B3GALT5: variants seen among roughly 807,000 people sequenced by gnomAD.
The protein encoded by B3GALT5 is beta-1,3-galactosyltransferase 5.
For synonymous variants in B3GALT5, 156 were observed against 158.6 expected (o/e 0.98, Z 0.12); for missense variants, 328 against 396.6 (o/e 0.83, Z 1.47).
intron 1 of B3GALT5, among the ~76,000 whole-genome samples, chr21:39,633,938 A>G (rs2079208621): frequency 6.6e-6 from 1 of 152,170 alleles, no homozygotes; most frequent in Non-Finnish European, 1.5e-5. Flanking sequence ...ATGGAGCTCT[A>G]AGCATTGGGT....
intron 1 of B3GALT5, among the ~76,000 whole-genome samples, chr21:39,616,172 A>C (rs2079106481): frequency 6.6e-6 from 1 of 152,130 alleles, no homozygotes; most frequent in Admixed American, 6.5e-5. Context: ...ACATAGCAAG[A>C]CCCCGTCTCT....
At chr21:39,643,546 C>T (rs535150004) in intron 1 of B3GALT5, among the ~76,000 whole-genome samples, 5 of 152,290 alleles carry the variant, frequency 3.3e-5, no homozygotes, top group Admixed American at 3.3e-4. Context: ...GACAGGCGGA[C>T]AGGAGAACAA....
At chr21:39,641,827 G>T (rs1201937645) in intron 1 of B3GALT5, among the ~76,000 whole-genome samples, 1 of 152,116 alleles carries the variant, frequency 6.6e-6, no homozygotes, top group Non-Finnish European at 1.5e-5. Flanking sequence ...ATGTCATTCA[G>T]GCTTATAAGT....
chr21:39,623,655 A>G (rs2123688364), intron 1 of B3GALT5, among the ~76,000 whole-genome samples: 1 of 152,246 alleles, frequency 6.6e-6, no homozygotes, highest in South Asian at 2.1e-4. Context: ...ATTATTGGTC[A>G]TGGGAAATGG....
chr21:39,626,130 T>G (rs1435233045), intron 1 of B3GALT5, among the ~76,000 whole-genome samples: 1 of 152,186 alleles, frequency 6.6e-6, no homozygotes, highest in Non-Finnish European at 1.5e-5. Flanking sequence ...ATTTCCTGTT[T>G]CTATGGATTT....
rs2079514182 is a variant in B3GALT5 at position 39,661,013 on chromosome 21, G to A, written c.454G>A (p.Val152Met). The stretch of plus-strand genomic sequence containing the variant: ...TCGCTTTTGTCCTCAGGCGGCGTTT[G>A]TGATGAAAACAGACTCAGACATGTT... ...VHRFCPQAAF[V>M]MKTDSDMFIN... is the part of the protein sequence containing the mutation. The change falls in exon 4 of 4, where the codon GTG becomes ATG. Residue 152 changes from valine (V) to methionine (M), a missense_variant. Val to Met is a conservative substitution (Grantham distance 21). Coordinates refer to ENST00000684187, the MANE Select transcript of B3GALT5 (RefSeq NM_001356336.2). This position sits in a 1 kb window ranked among gnomAD's most constrained non-coding sequence, Gnocchi z 4.7. 3 of 1,613,498 alleles carry A rather than the reference G, an allele frequency of 1.9e-6. No individual in the cohort carries two copies. Among genetic ancestry groups the A allele is most frequent in the African/African-American group, 1.3e-5 (1 of 74,918 alleles).
chr21:39,624,580 G>C (rs943421159), intron 1 of B3GALT5, among the ~76,000 whole-genome samples: 1 of 152,168 alleles, frequency 6.6e-6, no homozygotes, highest in Admixed American at 6.5e-5. Flanking sequence ...TGAAGGAATT[G>C]AGGAAATTGA....
Position 39,661,564 on chromosome 21 carries a change from A to AG in B3GALT5, c.*77dup, listed in dbSNP as rs1164115972. ...GATAGTTTTTGCTAGATTTTGGAAG[A>AG]GGGGGCGGGACAGAGGATGCTGTTC... On this transcript the variant is annotated 3_prime_UTR_variant, in exon 4 of 4. Transcript: ENST00000684187. The surrounding 1 kb of genome is among the most constrained non-coding windows in gnomAD (Gnocchi z 4.7). The AG allele has an allele frequency of 1.5e-6, 2 of 1,377,748 alleles. No individual in the cohort carries two copies. The highest frequency in any genetic ancestry group is 1.9e-6 in the Non-Finnish European group (2 of 1,036,634). The allele number at this position is 1,377,748 out of a possible 1,614,324, so 85.3% of individuals were successfully genotyped here.
At chr21:39,617,193 G>A (rs1265920472) in intron 1 of B3GALT5, among the ~76,000 whole-genome samples, 2 of 152,110 alleles carry the variant, frequency 1.3e-5, no homozygotes, top group Non-Finnish European at 2.9e-5. Flanking sequence ...GATTAATTAT[G>A]GTATTGACTT....
chr21:39,631,420 T>C (rs992679914), intron 1 of B3GALT5, among the ~76,000 whole-genome samples: 3 of 152,154 alleles, frequency 2.0e-5, no homozygotes, highest in African/African-American at 7.2e-5. Flanking sequence ...TTTCCCCTAA[T>C]TATAAGGACA....
intron 2 of B3GALT5, among the ~76,000 whole-genome samples, chr21:39,650,034 G>A (rs1049615351): frequency 6.6e-6 from 1 of 152,042 alleles, no homozygotes; most frequent in Non-Finnish European, 1.5e-5. Flanking sequence ...CCTGAACCCC[G>A]CAAAGATTTG....
chr21:39,644,718 A>C (rs976295938), intron 1 of B3GALT5, among the ~76,000 whole-genome samples: 3 of 152,324 alleles, frequency 2.0e-5, no homozygotes, highest in Admixed American at 2.0e-4. Flanking sequence ...TGTGCCATGA[A>C]TGCTTTCATT....
At chr21:39,652,494 G>A (rs773127249) in intron 2 of B3GALT5, among the ~76,000 whole-genome samples, 15 of 152,102 alleles carry the variant, frequency 9.9e-5, no homozygotes, top group Non-Finnish European at 2.2e-4. Context: ...GCCCTGGGCC[G>A]TGCTACACCA....
intron 1 of B3GALT5, among the ~76,000 whole-genome samples, chr21:39,639,288 CTCTTTCTTTCTTTCTT>C (rs71184689): frequency 1.0e-4 from 10 of 98,522 alleles, no homozygotes; most frequent in South Asian, 3.8e-4. Context: ...AGGCATCTGG[CTCTTTCTTTCTTTCTT>C]TCTTTCTTTC....
At position 39,646,540 on chromosome 21, in the gene B3GALT5, G is replaced by T. The variant is rs903432915; in HGVS notation, c.-243G>T. The T allele has an allele frequency of 6.6e-6, 1 of 152,184 alleles. No individual in the cohort carries two copies. Among genetic ancestry groups the T allele is most frequent in the Non-Finnish European group, 1.5e-5 (1 of 68,042 alleles). 9.4% of individuals were successfully genotyped at this position (152,184 alleles called of 1,614,324 possible). A position where few individuals can be genotyped will look rare whatever the true frequency, so the allele number is the denominator to read the frequency against. On this transcript the variant is annotated 5_prime_UTR_variant, in exon 2 of 4. It removes the in-frame stop codon of an upstream open reading frame in the 5' UTR. Transcript: ENST00000684187. ...ATTCGAAAGTCTCCACTGGGCTTCT[G>T]AGTGCCACATCCTGTCCAGAATGAT...
chr21:39,661,352 A>T lies in B3GALT5; in HGVS notation c.793A>T (p.Thr265Ser). 1 of 1,611,238 alleles carries T rather than the reference A, an allele frequency of 6.2e-7. No homozygotes were observed. The highest frequency in any genetic ancestry group is 8.5e-7 in the Non-Finnish European group (1 of 1,178,866). ...ATTGGAGGAGCTCCACTCCCAGCCG[A>T]CCTTTTTTCCAGGGGGCTTACGCTT... ...IRLEELHSQP[T>S]FFPGGLRFSV... Residue 265 changes from threonine (T) to serine (S), a missense_variant, in exon 4 of 4, where the codon ACC becomes TCC. Coordinates refer to ENST00000684187, the MANE Select transcript of B3GALT5 (RefSeq NM_001356336.2). The surrounding 1 kb of genome is among the most constrained non-coding windows in gnomAD (Gnocchi z 4.7).
At position 39,639,442 on chromosome 21, in the gene B3GALT5, T is replaced by TTC. The variant is rs1569212530; in HGVS notation, c.-391-6948_-391-6947dup. Among the ~76,000 whole-genome samples, 288 of 113,304 alleles carry TTC rather than the reference T, an allele frequency of 2.5e-3. 2 individuals carry two copies. The highest frequency in any genetic ancestry group is 7.8e-3 in the Middle Eastern group (2 of 256). The allele number at this position is 113,304 out of a possible 152,430, so 74.3% of individuals were successfully genotyped here. ...TTTCTTTCTTTCTTTCTTTCTTTCT[T>TTC]TCTTTCTTTCTTTTTTTCTTTCTCT... On this transcript the variant is annotated intron_variant, in intron 1 of 3. Transcript: ENST00000684187.
chr21:39,635,513 T>C (rs895013551), intron 1 of B3GALT5, among the ~76,000 whole-genome samples: 5 of 152,166 alleles, frequency 3.3e-5, no homozygotes, highest in Admixed American at 6.5e-5. Flanking sequence ...AGTTTTGCTC[T>C]TGTTGCCCAG....
rs188926163 is a variant in B3GALT5 at position 39,648,627 on chromosome 21, A to G, written c.-161+2005A>G. Among the ~76,000 whole-genome samples the G allele has an allele frequency of 2.2e-4, 33 of 152,168 alleles. No homozygotes were observed. In the East Asian group the frequency reaches 3.5e-3, roughly 16 times the overall value. On this transcript the variant is annotated intron_variant, in intron 2 of 3. Coordinates refer to ENST00000684187, the MANE Select transcript of B3GALT5 (RefSeq NM_001356336.2). ...GAAATCTGAGGAGACCCCCATGGCC[A>G]CTCCCCATGACCAGTGCCATGCTGT...
Sources: allele counts gnomAD v4.1 joint callset (sites outside exome capture counted in the v4.1 genomes callset), GRCh38; gene constraint gnomAD v4.1.1; non-coding constraint Gnocchi (gnomAD v3.1); transcripts MANE v1.5; gene names NCBI Gene and HGNC (gene_info 2026-07-23, HGNC 2026-07-21).